PLB1: variants seen among roughly 807,000 people sequenced by gnomAD.
PLB1 encodes phospholipase B1.
Under a neutral mutation model 227.4 loss-of-function variants are expected in PLB1, and 242 were observed. The ratio of observed to expected loss-of-function variants is 1.06; its 90% CI spans 0.96 to 1.18. The LOEUF (loss-of-function observed/expected upper bound fraction) is 1.18. Among genes scored for constraint, PLB1 ranks in the 50% most tolerant of loss-of-function variants. The probability of loss-of-function intolerance (pLI) is 0.00; values close to 1 mark genes in which losing one functional copy is unlikely to be tolerated. For synonymous variants in PLB1, 757 were observed against 682.2 expected, an observed-to-expected ratio of 1.11 and a Z score of -1.71; for missense variants, 1,858 against 1,816.3, an observed-to-expected ratio of 1.02 and a Z score of -0.42.
At chr2:28,598,810 G>C (rs370202864) in intron 35 of PLB1, 50 bp downstream of exon 35, 7 of 1,468,746 alleles carry the variant, frequency 4.8e-6, no homozygotes, top group Admixed American at 1.7e-5. Flanking sequence ...AGTGGAATGT[G>C]GATAGTACCC....
In PLB1 at chr2:28,499,443, G is replaced by A. The variant is rs1010597209; in HGVS notation, c.55+3274G>A. Among the ~76,000 whole-genome samples, 8 of 151,648 alleles carry A rather than the reference G, an allele frequency of 5.3e-5. No individual in the cohort carries two copies. In the East Asian group the frequency reaches 5.8e-4, roughly 11 times the overall value. Reference sequence around the variant, plus strand: ...CACACATAATCCTGCCAATAATGACGGTGTTGTTACTTCCTCTTCAATCTG... The same window carrying A: ...CACACATAATCCTGCCAATAATGACAGTGTTGTTACTTCCTCTTCAATCTG... On this transcript the variant is annotated intron_variant, in intron 1 of 57. Transcript: ENST00000327757.
At position 28,543,374 on chromosome 2, in the gene PLB1, A is replaced by G. The variant is rs1230131014; in HGVS notation, c.936+106A>G. The G allele has an allele frequency of 3.3e-6, 4 of 1,229,624 alleles. No individual in the cohort carries two copies. In the African/African-American group the frequency reaches 6.1e-5, roughly 19 times the overall value. The allele number at this position is 1,229,624 out of a possible 1,614,324, so 76.2% of individuals were successfully genotyped here. On this transcript the variant is annotated intron_variant, in intron 14 of 57. Transcript: ENST00000327757. Reference sequence around the variant, plus strand: ...GGGCTGCAGGGCGCCCCAGGATCCCAGGACAATGGTTCTGGGCCACCAGGG... The same window carrying G: ...GGGCTGCAGGGCGCCCCAGGATCCCGGGACAATGGTTCTGGGCCACCAGGG...
intron 1 of PLB1, 94 bp downstream of exon 1, chr2:28,496,263 CT>C: frequency 1.6e-6 from 2 of 1,257,830 alleles, no homozygotes. Flanking sequence ...GGAGTGTGTG[CT>C]TTTGAAGAGA....
intron 9 of PLB1, among the ~76,000 whole-genome samples, chr2:28,535,193 CT>C (rs1388260487): frequency 1.3e-5 from 2 of 152,308 alleles, no homozygotes; most frequent in Admixed American, 1.3e-4. Flanking sequence ...GTAATCATGC[CT>C]CCTCATTTTT....
In PLB1 at chr2:28,620,913, C is replaced by T. The variant is rs2148327365; in HGVS notation, c.3462C>T (p.Gly1154=). 1 of 1,614,010 alleles carries T rather than the reference C, an allele frequency of 6.2e-7. No homozygotes were observed. The highest frequency in any genetic ancestry group is 1.7e-4 in the Middle Eastern group (1 of 6,060). ...AGAAGTTCAACCCTTACCTCCTTGG[C>T]TTCTCTACCAGCACCTGGGAGGGGA... ...ILKKFNPYLL[G]FSTSTWEGTA... is the part of the protein sequence containing the mutation. The change falls in exon 49 of 58, where the codon GGC becomes GGT. Residue 1154 remains glycine (G), a synonymous_variant. Coordinates refer to ENST00000327757, the MANE Select transcript of PLB1 (RefSeq NM_153021.5).
Position 28,598,053 on chromosome 2 carries a change from G to A in PLB1, c.2365+5G>A, listed in dbSNP as rs776155441. ...AGAATGTGACCACCTTACCTAGTAA[G>A]TAACCATCAGGGGCTTGAATCTGTC... On this transcript the variant is annotated splice_donor_5th_base_variant and intron_variant, in intron 34 of 57. Transcript: ENST00000327757. 3 of 1,611,202 alleles carry A rather than the reference G, an allele frequency of 1.9e-6. No individual in the cohort carries two copies. The African/African-American group carries it at 4.0e-5, about 22-fold the overall frequency.
At position 28,539,189 on chromosome 2, in the gene PLB1, A is replaced by G; in HGVS notation, c.698+11A>G. 1 of 1,606,794 alleles carries G rather than the reference A, an allele frequency of 6.2e-7. No individual in the cohort carries two copies. The highest frequency in any genetic ancestry group is 8.5e-7 in the Non-Finnish European group (1 of 1,173,374). Reference sequence around the variant, plus strand: ...CGGCACTTGGCTCAGGTAAAAGGGGAAGTGGAATGAGACACGCATCTGTGA... The same window carrying G: ...CGGCACTTGGCTCAGGTAAAAGGGGGAGTGGAATGAGACACGCATCTGTGA... On this transcript the variant is annotated intron_variant, in intron 11 of 57. Transcript: ENST00000327757.
intron 1 of PLB1, among the ~76,000 whole-genome samples, chr2:28,503,803 G>A (rs1222206979): frequency 6.6e-6 from 1 of 152,154 alleles, no homozygotes; most frequent in Non-Finnish European, 1.5e-5. Flanking sequence ...GGTCCCCAAA[G>A]TCATTTCTGC....
chr2:28,593,357 A>G (rs192445548), intron 32 of PLB1, among the ~76,000 whole-genome samples: 2 of 152,356 alleles, frequency 1.3e-5, no homozygotes, highest in Admixed American at 1.3e-4. Flanking sequence ...TGGGAACGAC[A>G]TTATTAACAC....
At chr2:28,547,889 C>T (rs539841568) in intron 14 of PLB1, among the ~76,000 whole-genome samples, 8 of 152,240 alleles carry the variant, frequency 5.3e-5, no homozygotes, top group Non-Finnish European at 7.4e-5. Flanking sequence ...AATTCTTTAA[C>T]GGCCTTCACT....
chr2:28,635,666 T>A (rs1337319655), intron 56 of PLB1, among the ~76,000 whole-genome samples: 5 of 147,262 alleles, frequency 3.4e-5, no homozygotes. Flanking sequence ...TTTCATCTCC[T>A]GCCCCTCCTC....
At chr2:28,633,594 G>A (rs1219650049) in intron 56 of PLB1, among the ~76,000 whole-genome samples, 1 of 152,192 alleles carries the variant, frequency 6.6e-6, no homozygotes, top group Non-Finnish European at 1.5e-5. Context: ...TGTTTTCCGA[G>A]GCTGATACCT....
chr2:28,507,058 A>G (rs1043966660), intron 1 of PLB1, among the ~76,000 whole-genome samples: 1 of 152,148 alleles, frequency 6.6e-6, no homozygotes, highest in Non-Finnish European at 1.5e-5. Flanking sequence ...GAGGAATCCC[A>G]GGTCCCGTTT....
chr2:28,611,072 C>G (rs1434904157), intron 43 of PLB1, among the ~76,000 whole-genome samples: 1 of 152,040 alleles, frequency 6.6e-6, no homozygotes, highest in South Asian at 2.1e-4. Flanking sequence ...CAATAAAACC[C>G]ATTAGACAGG....
At chr2:28,612,005 T>C (rs183385733) in intron 43 of PLB1, among the ~76,000 whole-genome samples, 36 of 151,778 alleles carry the variant, frequency 2.4e-4, no homozygotes, top group Non-Finnish European at 1.5e-4. Context: ...AAATAGCCAT[T>C]TGTGGTGGCA....
At chr2:28,611,731 C>T (rs35158175) in intron 43 of PLB1, among the ~76,000 whole-genome samples, 17,987 of 152,132 alleles carry the variant, frequency 0.12, 1,242 homozygotes, top group African/African-American at 0.18. Flanking sequence ...ACTGTTAACC[C>T]GAGACAAGCC....
intron 56 of PLB1, 87 bp downstream of exon 56, chr2:28,633,126 A>T: frequency 1.7e-6 from 2 of 1,151,074 alleles, no homozygotes; most frequent in Admixed American, 3.8e-5. Context: ...ACTACTGGAG[A>T]CATGGCTCCT....
rs112421105 is a variant in PLB1 at position 28,591,119 on chromosome 2, C to G, written c.2089-14C>G. The G allele has an allele frequency of 2.0e-4, 316 of 1,614,142 alleles. 1 individual carries two copies. The African/African-American group carries it at 3.3e-3, about 17-fold the overall frequency. On this transcript the variant is annotated splice_polypyrimidine_tract_variant and intron_variant, in intron 29 of 57. Coordinates refer to ENST00000327757, the MANE Select transcript of PLB1 (RefSeq NM_153021.5). ...CAGAATTTGCTGCCATTGCTCACCC[C>G]CCTCTCCTCACAGGTCCAGCCGTTT...
At chr2:28,597,185 A>G (rs975718978) in intron 33 of PLB1, among the ~76,000 whole-genome samples, 1 of 148,840 alleles carries the variant, frequency 6.7e-6, no homozygotes, top group East Asian at 2.0e-4. Flanking sequence ...AATGGCATGA[A>G]CCCGGGAGGC....
Sources: gnomAD v4.1 joint callset for allele counts (sites outside exome capture counted in the v4.1 genomes callset) on GRCh38, gnomAD v4.1.1 for gene constraint, MANE v1.5 for transcripts, NCBI Gene and HGNC (gene_info 2026-07-23, HGNC 2026-07-21) for gene names.